STK39: variants seen among roughly 807,000 people sequenced by gnomAD.
STK39 encodes serine/threonine kinase 39.
A neutral mutation model predicts 77.8 loss-of-function variants in STK39; 20 were observed. The ratio of observed to expected loss-of-function variants is 0.26; its 90% confidence interval spans 0.18 to 0.37. STK39 has a LOEUF of 0.37. STK39 is among the 10% of genes least tolerant of loss of function. STK39 has a pLI of 1.00. For missense variants in STK39, 479 were observed against 656.5 expected (o/e 0.73, Z 2.95); for synonymous variants, 246 against 234.1 (o/e 1.05, Z -0.47).
At chr2:168,101,522 G>C (rs1222126919) in intron 10 of STK39, among the ~76,000 whole-genome samples, 3 of 152,102 alleles carry the variant, frequency 2.0e-5, no homozygotes. Flanking sequence ...TGGATCACTT[G>C]AGGCCAAGAG....
chr2:168,148,079 G>A (rs1460414451), intron 5 of STK39, among the ~76,000 whole-genome samples: 2 of 152,292 alleles, frequency 1.3e-5, no homozygotes, highest in Middle Eastern at 3.4e-3. Context: ...CATTTATATG[G>A]AAGCCAACAG....
intron 16 of STK39, among the ~76,000 whole-genome samples, chr2:167,982,256 A>G (rs1683439130): frequency 6.6e-6 from 1 of 152,174 alleles, no homozygotes; most frequent in Non-Finnish European, 1.5e-5. Flanking sequence ...TCTGACACCA[A>G]TGAGCTTTTA....
chr2:168,213,864 T>C (rs530322789), intron 1 of STK39, among the ~76,000 whole-genome samples: 42 of 152,326 alleles, frequency 2.8e-4, no homozygotes, highest in Non-Finnish European at 3.7e-4. Context: ...TTAATGTTCC[T>C]TTCAATATGG....
chr2:167,980,184 C>T (rs150621271), intron 16 of STK39, among the ~76,000 whole-genome samples: 1 of 152,170 alleles, frequency 6.6e-6, no homozygotes, highest in Admixed American at 6.5e-5. Context: ...TCCTTCAATG[C>T]ATATAATCAC....
At chr2:168,009,704 T>C (rs537861524) in intron 16 of STK39, among the ~76,000 whole-genome samples, 1 of 152,298 alleles carries the variant, frequency 6.6e-6, no homozygotes, top group South Asian at 2.1e-4. Flanking sequence ...TAAGGCATTT[T>C]TAAGTGCTAC....
intron 16 of STK39, among the ~76,000 whole-genome samples, chr2:168,006,927 A>G (rs1054056800): frequency 6.6e-6 from 1 of 152,334 alleles, no homozygotes; most frequent in East Asian, 1.9e-4. Context: ...AGGTCGGCAC[A>G]CTAAAAGCAG....
intron 14 of STK39, among the ~76,000 whole-genome samples, chr2:168,037,880 G>C (rs1046980309): frequency 6.6e-6 from 1 of 152,072 alleles, no homozygotes; most frequent in Non-Finnish European, 1.5e-5. Flanking sequence ...TTCATAATGA[G>C]GGGGAAAGAG....
intron 14 of STK39, among the ~76,000 whole-genome samples, chr2:168,030,116 C>T (rs1233126350): frequency 9.9e-5 from 15 of 152,032 alleles, no homozygotes; most frequent in Non-Finnish European, 2.9e-5. Flanking sequence ...TGGCGGGCGC[C>T]GGTAGTCCAG....
intron 16 of STK39, among the ~76,000 whole-genome samples, chr2:167,982,361 C>T (rs1189508665): frequency 3.9e-5 from 6 of 152,142 alleles, no homozygotes; most frequent in Non-Finnish European, 8.8e-5. Flanking sequence ...ATTTTCCACC[C>T]ATCTTGGAGG....
At chr2:168,139,382 AAAATCCT>A (rs2105527864) in intron 7 of STK39, among the ~76,000 whole-genome samples, 1 of 142,122 alleles carries the variant, frequency 7.0e-6, no homozygotes, top group South Asian at 2.3e-4. Context: ...CAAATACACT[AAAATCCT>A]AACTATGTTA....
At chr2:168,224,738 T>A (rs868719508) in intron 1 of STK39, among the ~76,000 whole-genome samples, 2 of 152,230 alleles carry the variant, frequency 1.3e-5, no homozygotes, top group African/African-American at 4.8e-5. Context: ...TTTAAGGAGA[T>A]TAAAACGCAG....
intron 5 of STK39, among the ~76,000 whole-genome samples, chr2:168,148,319 C>T (rs1216195120): frequency 6.6e-6 from 1 of 152,110 alleles, no homozygotes; most frequent in East Asian, 1.9e-4. Context: ...GTCACCAGAC[C>T]TCTGGGCACT....
At chr2:167,983,472 A>AAGG (rs1683480147) in intron 16 of STK39, among the ~76,000 whole-genome samples, 1 of 92,366 alleles carries the variant, frequency 1.1e-5, no homozygotes, top group African/African-American at 4.1e-5. Flanking sequence ...AAAAAAAAAG[A>AAGG]AATGAAAGGA....
chr2:168,028,461 G>A (rs900048972), intron 14 of STK39, among the ~76,000 whole-genome samples: 1 of 152,164 alleles, frequency 6.6e-6, no homozygotes, highest in Admixed American at 6.5e-5. Flanking sequence ...TCAGCATTTA[G>A]GATGTCTAGT....
intron 14 of STK39, among the ~76,000 whole-genome samples, chr2:168,040,271 C>T (rs1435879156): frequency 1.3e-5 from 2 of 152,072 alleles, no homozygotes; most frequent in Non-Finnish European, 2.9e-5. Context: ...AAAAAACTAA[C>T]CACAAAAGGG....
intron 2 of STK39, among the ~76,000 whole-genome samples, chr2:168,167,736 G>A (rs1485496950): frequency 2.6e-5 from 4 of 152,110 alleles, no homozygotes; most frequent in African/African-American, 9.7e-5. Flanking sequence ...CCTCATACCT[G>A]AACCGAAGGC....
At chr2:168,242,892 C>A (rs76160942) in intron 1 of STK39, among the ~76,000 whole-genome samples, 124 of 133,118 alleles carry the variant, frequency 9.3e-4, no homozygotes, top group Non-Finnish European at 1.1e-3. Context: ...GACCCTTTAT[C>A]AAAAAAAAAA....
At chr2:168,061,550 C>G (rs1306428727) in intron 14 of STK39, among the ~76,000 whole-genome samples, 2 of 152,076 alleles carry the variant, frequency 1.3e-5, no homozygotes, top group Middle Eastern at 3.2e-3. Flanking sequence ...AACATAGAAC[C>G]CTTTCTTCCT....
intron 2 of STK39, among the ~76,000 whole-genome samples, chr2:168,167,806 T>C (rs1688727034): frequency 6.6e-6 from 1 of 152,206 alleles, no homozygotes; most frequent in African/African-American, 2.4e-5. Context: ...GGTGCCAGCC[T>C]GAACTCTGGT....
Sources: gnomAD v4.1 joint callset for allele counts (sites outside exome capture counted in the v4.1 genomes callset) on GRCh38, gnomAD v4.1.1 for gene constraint, MANE v1.5 for transcripts, NCBI Gene and HGNC (gene_info 2026-07-23, HGNC 2026-07-21) for gene names.